Variants in ADGRE1 observed in about 807,000 individuals in gnomAD.
ADGRE1 encodes the protein adhesion G protein-coupled receptor E1.
A neutral mutation model predicts 102.7 loss-of-function variants in ADGRE1; 82 were observed. The observed-to-expected ratio is 0.80, with a 90% CI of 0.67 to 0.96. ADGRE1 has a LOEUF of 0.96. Among genes scored for constraint, ADGRE1 ranks in the 40% least tolerant of loss-of-function variants. The probability of loss-of-function intolerance (pLI) is 0.00; values close to 1 mark genes in which losing one functional copy is unlikely to be tolerated. For missense variants in ADGRE1, 1,032 were observed against 1,085.3 expected (o/e 0.95, Z 0.69); for synonymous variants, 398 against 399.6 (o/e 1.00, Z 0.05).
intron 19 of ADGRE1, 43 bp downstream of exon 19, chr19:6,937,454 C>T (rs756545662): frequency 3.2e-5 from 51 of 1,583,500 alleles, no homozygotes; most frequent in Middle Eastern, 3.6e-4. Flanking sequence ...TCCCATCCCC[C>T]TCTCCCCCCT....
chr19:6,914,516 C>A (rs989519944), intron 11 of ADGRE1, among the ~76,000 whole-genome samples: 4 of 152,172 alleles, frequency 2.6e-5, no homozygotes, highest in African/African-American at 9.7e-5. Flanking sequence ...AGATCTTTTA[C>A]ATTAGCACCC....
rs1027661626 is a variant in ADGRE1, at chr19:6,912,155, T to C, written c.1123-1498T>C. Among the ~76,000 whole-genome samples, 6 of 151,458 alleles carry C rather than the reference T, an allele frequency of 4.0e-5. No individual in the cohort carries two copies. In the South Asian group the frequency reaches 1.3e-3, roughly 32 times the overall value. ...ATACATACATAGGCATACATAGACA[T>C]ACACAGAGATATACACACATGCACA... On this transcript the variant is annotated intron_variant, in intron 10 of 20. Transcript: ENST00000312053.
At chr19:6,933,831 C>T (rs1975267738) in intron 17 of ADGRE1, among the ~76,000 whole-genome samples, 1 of 152,164 alleles carries the variant, frequency 6.6e-6, no homozygotes, top group Non-Finnish European at 1.5e-5. Flanking sequence ...AATGCTCTGA[C>T]CCAAATGTCA....
intron 2 of ADGRE1, chr19:6,891,366 T>TA (rs1410544220): frequency 1.3e-5 from 2 of 152,224 alleles, no homozygotes; most frequent in African/African-American, 4.8e-5. Flanking sequence ...AACAGACTAA[T>TA]ACAACTGTTC....
chr19:6,920,516 C>CTTT (rs3053967), intron 13 of ADGRE1, among the ~76,000 whole-genome samples: 16,914 of 73,950 alleles, frequency 0.23, 4,687 homozygotes, highest in East Asian at 0.33. Context: ...ACCATGCCCG[C>CTTT]TTTTTTTTTT....
At chr19:6,924,168 G>T (rs1216933168) in intron 14 of ADGRE1, among the ~76,000 whole-genome samples, 1 of 151,612 alleles carries the variant, frequency 6.6e-6, no homozygotes, top group Non-Finnish European at 1.5e-5. Flanking sequence ...GAAGTCAGGG[G>T]GCTGTCACTT....
intron 10 of ADGRE1, among the ~76,000 whole-genome samples, chr19:6,911,385 GTTTTTTTTT>G (rs772959056): frequency 1.3e-5 from 1 of 79,844 alleles, no homozygotes; most frequent in African/African-American, 4.5e-5. Context: ...ATTCCTTTTA[GTTTTTTTTT>G]TTTTTTTTTT....
rs745758583 is a variant in ADGRE1, at chr19:6,926,582, G to A, written c.2203G>A (p.Gly735Ser). ...VVISASVQPQ[G>S]YGMHNRCWLN... The stretch of plus-strand genomic sequence containing the variant: ...GATCTCTGCCAGTGTGCAGCCACAG[G>A]GCTATGGAATGCATAATCGGTGAGT... The change falls in exon 16 of 21, where the codon GGC becomes AGC. Residue 735 changes from glycine to serine, a missense_variant. By Grantham distance (56) the Gly-to-Ser change is moderately conservative. Coordinates refer to ENST00000312053, the MANE Select transcript of ADGRE1 (RefSeq NM_001974.5). 4.3e-6 allele frequency: 7 copies of A among 1,614,080 alleles called. No homozygotes were observed. The highest frequency in any genetic ancestry group is 1.3e-5 in the African/African-American group (1 of 74,928).
chr19:6,904,266 C>G, intron 8 of ADGRE1, 84 bp downstream of exon 8: 1 of 1,538,500 alleles, frequency 6.5e-7, no homozygotes. Flanking sequence ...ACCTCGGGAT[C>G]TTCCTCTTAG....
At chr19:6,920,216 A>G (rs942413350) in intron 13 of ADGRE1, among the ~76,000 whole-genome samples, 18 of 131,870 alleles carry the variant, frequency 1.4e-4, no homozygotes. Flanking sequence ...GGATCCTGCT[A>G]TGTGGTGGTT....
At chr19:6,934,920 T>C (rs1975331637) in intron 17 of ADGRE1, 67 bp from the exon 18 acceptor site, 2 of 1,169,830 alleles carry the variant, frequency 1.7e-6, no homozygotes, top group Admixed American at 5.1e-5. Flanking sequence ...AGTTCTCTTT[T>C]TATAGGTGTT....
chr19:6,921,688 T>G lies in ADGRE1; in HGVS notation c.1621-25T>G, dbSNP rs1261616454. The G allele has an allele frequency of 5.2e-6, 8 of 1,544,570 alleles. No homozygotes were observed. The Middle Eastern group carries it at 6.8e-4, about 132-fold the overall frequency. On this transcript the variant is annotated intron_variant, in intron 13 of 20. Transcript: ENST00000312053. ...ATGGGGATTCCCAGAAGACCTTTGT[T>G]TTTTTGTTTTTTTGTTTTTTTTAGC...
intron 5 of ADGRE1, among the ~76,000 whole-genome samples, chr19:6,899,353 G>A (rs1007650652): frequency 6.6e-6 from 1 of 152,104 alleles, no homozygotes; most frequent in African/African-American, 2.4e-5. Context: ...AGAATAATCT[G>A]ACCCTAAATG....
At chr19:6,938,801 CT>C (rs558698686) in intron 20 of ADGRE1, among the ~76,000 whole-genome samples, 149 of 137,654 alleles carry the variant, frequency 1.1e-3, no homozygotes, top group Middle Eastern at 3.6e-3. Flanking sequence ...TTCTTTTTTT[CT>C]TTTTTTTTTT....
intron 2 of ADGRE1, 116 bp from the exon 3 acceptor site, chr19:6,896,282 T>C: frequency 7.9e-6 from 8 of 1,006,742 alleles, no homozygotes; most frequent in Non-Finnish European, 1.2e-5. Context: ...ACGTATCTTT[T>C]GGGAGGAACA....
intron 1 of ADGRE1, among the ~76,000 whole-genome samples, chr19:6,888,227 A>T (rs1238072582): frequency 1.3e-5 from 2 of 152,230 alleles, no homozygotes; most frequent in African/African-American, 4.8e-5. Flanking sequence ...TGCCCCAAAA[A>T]ATAAGTAAAC....
Position 6,916,218 on chromosome 19 carries a change from C to T in ADGRE1, c.1301-31C>T, listed in dbSNP as rs753727568. ...AATTCAGGACTGACTTTCTGGGTGA[C>T]CTCATACGAACTCTCCCTTTCTCTT... is the stretch of plus-strand genomic sequence containing the variant. On this transcript the variant is annotated intron_variant, in intron 11 of 20. Coordinates refer to ENST00000312053, the MANE Select transcript of ADGRE1 (RefSeq NM_001974.5). 8 of 1,600,038 alleles carry T rather than the reference C, an allele frequency of 5.0e-6. No homozygotes were observed. In the South Asian group the frequency reaches 7.8e-5, roughly 16 times the overall value.
intron 5 of ADGRE1, chr19:6,897,994 T>C (rs1243247955): frequency 5.2e-6 from 1 of 191,212 alleles, no homozygotes; most frequent in East Asian, 1.3e-4. Flanking sequence ...TCTGATCATG[T>C]AAATAATTCC....
chr19:6,889,687 C>CAAAAAAAA (rs1178774112), intron 1 of ADGRE1, among the ~76,000 whole-genome samples: 1 of 41,766 alleles, frequency 2.4e-5, no homozygotes, highest in Non-Finnish European at 4.3e-5. Context: ...GACTCCATCT[C>CAAAAAAAA]AAAAAAAAAA....
Sources: gnomAD v4.1 joint callset for allele counts (sites outside exome capture counted in the v4.1 genomes callset) on GRCh38, gnomAD v4.1.1 for gene constraint, MANE v1.5 for transcripts, NCBI Gene and HGNC (gene_info 2026-07-23, HGNC 2026-07-21) for gene names.